Variants in IMMP2L observed in about 807,000 individuals in gnomAD.
The protein encoded by IMMP2L is inner mitochondrial membrane peptidase subunit 2, also known as mitochondrial inner membrane protease subunit 2.
In IMMP2L, 18 loss-of-function variants were observed where a neutral mutation model predicts 19.3. The observed-to-expected ratio is 0.93, with a 90% confidence interval of 0.64 to 1.38. The LOEUF (loss-of-function observed/expected upper bound fraction) is 1.38, where lower values mean the gene tolerates loss of function less well. Ranked by LOEUF, IMMP2L falls within the 40% of genes most tolerant of loss-of-function variation. The pLI, the probability that IMMP2L is intolerant of heterozygous loss-of-function variation, is 0.00. For missense variants in IMMP2L, 233 were observed against 218.2 expected, an observed-to-expected ratio of 1.07 and a Z score of -0.43; for synonymous variants, 76 against 73.0, an observed-to-expected ratio of 1.04 and a Z score of -0.21.
At chr7:111,190,876 G>T (rs1162194607) in intron 3 of IMMP2L, among the ~76,000 whole-genome samples, 3 of 152,144 alleles carry the variant, frequency 2.0e-5, no homozygotes, top group African/African-American at 7.2e-5. Context: ...AAAGTTTGCA[G>T]CTGGGGAAGG....
intron 3 of IMMP2L, among the ~76,000 whole-genome samples, chr7:111,135,697 AT>A (rs543366420): frequency 8.5e-4 from 130 of 152,354 alleles, no homozygotes; most frequent in African/African-American, 2.9e-3. Context: ...TTATTGCAGA[AT>A]TAACATATGC....
chr7:111,110,150 T>C (rs187180357), intron 3 of IMMP2L, among the ~76,000 whole-genome samples: 19 of 152,220 alleles, frequency 1.2e-4, no homozygotes, highest in Non-Finnish European at 2.1e-4. Flanking sequence ...ATAAAGTCTT[T>C]AGGATCTGAA....
In IMMP2L at chr7:111,444,395, C is replaced by A. The variant is rs553283471; in HGVS notation, c.239+42843G>T. On this transcript the variant is annotated intron_variant, in intron 3 of 5. Coordinates refer to ENST00000405709, the MANE Select transcript of IMMP2L (RefSeq NM_032549.4). ...AAATTCTGCTTCCACCACTTACAAG[C>A]TTGGACAAGTTTCTTAACCTCTCAG... Among the ~76,000 whole-genome samples, 8 of 152,152 alleles carry A rather than the reference C, an allele frequency of 5.3e-5. No individual in the cohort carries two copies. In the South Asian group the frequency reaches 1.7e-3, roughly 32 times the overall value.
chr7:110,989,782 T>A (rs1417170523), intron 3 of IMMP2L, among the ~76,000 whole-genome samples: 1 of 151,672 alleles, frequency 6.6e-6, no homozygotes, highest in Non-Finnish European at 1.5e-5. Context: ...CCCTCACATA[T>A]CTGATGGGCA....
intron 3 of IMMP2L, among the ~76,000 whole-genome samples, chr7:111,180,217 A>G (rs1418137347): frequency 5.9e-5 from 9 of 152,066 alleles, no homozygotes; most frequent in Admixed American, 5.9e-4. Context: ...AATTTTTTAC[A>G]TGCTTTCCTC....
intron 3 of IMMP2L, among the ~76,000 whole-genome samples, chr7:111,144,976 A>G (rs1285090361): frequency 6.6e-6 from 1 of 152,136 alleles, no homozygotes. Flanking sequence ...TTTCTCTGAG[A>G]AGATATTGTC....
intron 3 of IMMP2L, among the ~76,000 whole-genome samples, chr7:111,211,718 C>T (rs113877411): frequency 0.017 from 2,648 of 152,238 alleles, 30 homozygotes; most frequent in South Asian, 0.043. Flanking sequence ...GATTAGAAGA[C>T]GGAAATCCTG....
chr7:110,955,078 G>C (rs1483425947), intron 4 of IMMP2L, among the ~76,000 whole-genome samples: 1 of 151,852 alleles, frequency 6.6e-6, no homozygotes, highest in African/African-American at 2.4e-5. Context: ...ATAAAATCAA[G>C]ATTCTATATA....
chr7:110,851,007 A>G (rs1046288882), intron 5 of IMMP2L, among the ~76,000 whole-genome samples: 3 of 152,042 alleles, frequency 2.0e-5, no homozygotes, highest in Non-Finnish European at 2.9e-5. Context: ...AAAAACCTCA[A>G]AGAAACTAGG....
chr7:111,449,962 T>G (rs1002664592), intron 3 of IMMP2L, among the ~76,000 whole-genome samples: 1 of 143,378 alleles, frequency 7.0e-6, no homozygotes, highest in Non-Finnish European at 1.5e-5. Context: ...CATTCACAAT[T>G]GCTTCAAAGA....
At chr7:111,274,763 C>T (rs1310148324) in intron 3 of IMMP2L, among the ~76,000 whole-genome samples, 2 of 152,174 alleles carry the variant, frequency 1.3e-5, no homozygotes, top group African/African-American at 4.8e-5. Flanking sequence ...TTCAAAGACC[C>T]GTATTTAAGC....
At position 111,481,467 on chromosome 7, in the gene IMMP2L, AT is replaced by A. The variant is rs1392908884; in HGVS notation, c.239+5770del. ...TCTCTATGCTTTAGTGTTCTCATCT[AT>A]AAAACCGGGGATAACAATACCTACT... On this transcript the variant is annotated intron_variant, in intron 3 of 5. Coordinates refer to ENST00000405709, the MANE Select transcript of IMMP2L (RefSeq NM_032549.4). Among the ~76,000 whole-genome samples, 4 of 152,198 alleles carry A rather than the reference AT, an allele frequency of 2.6e-5. No individual in the cohort carries two copies. In the East Asian group the frequency reaches 7.7e-4, roughly 29 times the overall value.
At chr7:111,434,141 C>A (rs1836899734) in intron 3 of IMMP2L, among the ~76,000 whole-genome samples, 1 of 151,704 alleles carries the variant, frequency 6.6e-6, no homozygotes, top group African/African-American at 2.4e-5. Flanking sequence ...ATGCCACATA[C>A]ATATAACTAA....
intron 3 of IMMP2L, among the ~76,000 whole-genome samples, chr7:111,022,649 C>T (rs552344834): frequency 6.6e-6 from 1 of 152,236 alleles, no homozygotes; most frequent in East Asian, 1.9e-4. Context: ...AAACACTGAT[C>T]TACCCTCACA....
intron 3 of IMMP2L, among the ~76,000 whole-genome samples, chr7:111,272,652 C>T (rs1818589894): frequency 6.6e-6 from 1 of 152,100 alleles, no homozygotes; most frequent in African/African-American, 2.4e-5. Context: ...AGAAGAGGAG[C>T]AAACAAAAGT....
intron 5 of IMMP2L, among the ~76,000 whole-genome samples, chr7:110,852,809 A>G (rs1282344294): frequency 6.6e-6 from 1 of 152,032 alleles, no homozygotes; most frequent in Non-Finnish European, 1.5e-5. Context: ...AGGCATTCCA[A>G]CTGATAGACT....
chr7:111,041,824 T>C lies in IMMP2L; in HGVS notation c.240-78259A>G, dbSNP rs188831781. ...GTCCCGCATATAGTACATAGGGATATGAGGCAATCTAGTGTAGTTAGTGTC... is the reference window on the plus strand; with the variant it reads ...GTCCCGCATATAGTACATAGGGATACGAGGCAATCTAGTGTAGTTAGTGTC... On this transcript the variant is annotated intron_variant, in intron 3 of 5. Transcript: ENST00000405709. 1.7e-4 allele frequency among the ~76,000 whole-genome samples: 26 copies of C among 152,326 alleles called. 1 individual carries two copies. In the East Asian group the frequency reaches 5.0e-3, roughly 29 times the overall value.
intron 3 of IMMP2L, among the ~76,000 whole-genome samples, chr7:111,480,010 G>A (rs143139614): frequency 1.9e-3 from 284 of 151,830 alleles, no homozygotes; most frequent in African/African-American, 5.7e-3. Context: ...ATAATTAAGT[G>A]TATAAGCATT....
At chr7:111,167,923 AT>A (rs569982054) in intron 3 of IMMP2L, among the ~76,000 whole-genome samples, 1 of 151,584 alleles carries the variant, frequency 6.6e-6, no homozygotes, top group South Asian at 2.1e-4. Context: ...TACTCTGCTT[AT>A]TTTTTTTATT....
Sources: allele counts gnomAD v4.1 joint callset (sites outside exome capture counted in the v4.1 genomes callset), GRCh38; gene constraint gnomAD v4.1.1; transcripts MANE v1.5; gene names NCBI Gene and HGNC (gene_info 2026-07-23, HGNC 2026-07-21).